UBIAD1: variants seen among roughly 807,000 people sequenced by gnomAD.
The protein encoded by UBIAD1 is ubiA prenyltransferase domain-containing protein 1.
Under a neutral mutation model 20.1 loss-of-function variants are expected in UBIAD1, and 12 were observed. The ratio of observed to expected loss-of-function variants is 0.60; its 90% CI spans 0.38 to 0.97. The LOEUF is 0.97. Among genes scored for constraint, UBIAD1 ranks in the 50% least tolerant of loss-of-function variants. UBIAD1 has a pLI of 0.00. For synonymous variants in UBIAD1, 207 were observed against 189.2 expected (o/e 1.09, Z -0.77); for missense variants, 333 against 419.5 (o/e 0.79, Z 1.80).
Position 11,285,789 on chromosome 1 carries a change from C to T in UBIAD1, c.675C>T (p.Thr225=), listed in dbSNP as rs139434794. ...ATGCCATCCCCCTCGCCCTCAGCAC[C>T]GAGGCCATTCTCCATTCCAACAACA... ...LVYAIPLALS[T]EAILHSNNTR... The change falls in exon 2 of 2, where the codon ACC becomes ACT. Residue 225 remains threonine (T), a synonymous_variant. Coordinates refer to ENST00000376810, the MANE Select transcript of UBIAD1 (RefSeq NM_013319.3). The surrounding 1 kb of genome is among the most constrained non-coding windows in gnomAD (Gnocchi z 4.4). The T allele has an allele frequency of 5.6e-6, 9 of 1,614,230 alleles. No homozygotes were observed. Among genetic ancestry groups the T allele is most frequent in the Admixed American group, 3.3e-5 (2 of 60,032 alleles).
At chr1:11,293,874 C>T (rs1453565652) in intron 1 of UBIAD1, among the ~76,000 whole-genome samples, 1 of 152,200 alleles carries the variant, frequency 6.6e-6, no homozygotes, top group East Asian at 1.9e-4. Context: ...CGGGATTTCA[C>T]CATGTTGGCC....
chr1:11,298,334 G>A (rs1212163040), downstream of UBIAD1, among the ~76,000 whole-genome samples: 3 of 152,012 alleles, frequency 2.0e-5, no homozygotes, highest in Admixed American at 6.5e-5. This position sits in a 1 kb window ranked among gnomAD's most constrained non-coding sequence, Gnocchi z 4.0. Context: ...TTGGGAGACC[G>A]AGGCAGGTGA....
chr1:11,292,672 C>T (rs867282557), downstream of UBIAD1, among the ~76,000 whole-genome samples: 3,148 of 106,988 alleles, frequency 0.029, 48 homozygotes, highest in Non-Finnish European at 0.036. Context: ...TATGTATACA[C>T]ACACACACAC....
At chr1:11,290,709 T>G (rs1227148735), downstream of UBIAD1, among the ~76,000 whole-genome samples, 7 of 152,228 alleles carry the variant, frequency 4.6e-5, no homozygotes, top group Admixed American at 4.6e-4. Flanking sequence ...CCAGGTGTGG[T>G]GGCTTACGCC....
chr1:11,274,105 C>T, intron 1 of UBIAD1, 45 bp downstream of exon 1: 1 of 1,610,420 alleles, frequency 6.2e-7, no homozygotes, highest in Non-Finnish European at 8.5e-7. Flanking sequence ...TAGTCGCGTC[C>T]ACTGGAAACC....
rs1181336236 is a variant in UBIAD1, at chr1:11,285,889, A to G, written c.775A>G (p.Ile259Val). 1 of 1,614,110 alleles carries G rather than the reference A, an allele frequency of 6.2e-7. No homozygotes were observed. Among genetic ancestry groups the G allele is most frequent in the Admixed American group, 1.7e-5 (1 of 60,018 alleles). ...CCTCATCGGCCCCACGTTCTCCTACATTCTCTACAACACACTGCTCTTCCT... is the reference window on the plus strand; with the variant it reads ...CCTCATCGGCCCCACGTTCTCCTACGTTCTCTACAACACACTGCTCTTCCT... ...AILIGPTFSY[I>V]LYNTLLFLPY... Residue 259 changes from isoleucine to valine, a missense_variant, in exon 2 of 2, where the codon ATT becomes GTT. Ile to Val is a conservative substitution (Grantham distance 29). This residue lies in a region of UBIAD1 where 226 missense variants were observed against 263.5 expected (regional missense o/e 0.86). Transcript: ENST00000376810. The surrounding 1 kb of genome is among the most constrained non-coding windows in gnomAD (Gnocchi z 4.4).
rs545252894 is a variant in UBIAD1 at position 11,279,232 on chromosome 1, A to G, written c.529+5172A>G. On this transcript the variant is annotated intron_variant, in intron 1 of 1. Transcript: ENST00000376810. ...TGCCTGTCCACCTTGTAAATGTCATATCTTCATCATCTTTAAGGCCCCAGT... is the reference window on the plus strand; with the variant it reads ...TGCCTGTCCACCTTGTAAATGTCATGTCTTCATCATCTTTAAGGCCCCAGT... 1.8e-3 allele frequency: 423 copies of G among 231,326 alleles called. 2 individuals carry two copies. Among genetic ancestry groups the G allele is most frequent in the Non-Finnish European group, 2.2e-3 (233 of 105,800 alleles). 14.3% of individuals were successfully genotyped at this position (231,326 alleles called of 1,614,324 possible).
chr1:11,280,801 G>C (rs1274865602), intron 1 of UBIAD1, among the ~76,000 whole-genome samples: 1 of 152,026 alleles, frequency 6.6e-6, no homozygotes, highest in Non-Finnish European at 1.5e-5. Flanking sequence ...GCTCCCAACT[G>C]GTCTCTTTAC....
At chr1:11,290,109 A>G (rs1460870077), downstream of UBIAD1, among the ~76,000 whole-genome samples, 1 of 152,010 alleles carries the variant, frequency 6.6e-6, no homozygotes, top group Admixed American at 6.6e-5. Flanking sequence ...CAGGCTATCT[A>G]CCCATCTGGG....
chr1:11,275,521 G>C (rs925015329), intron 1 of UBIAD1, among the ~76,000 whole-genome samples: 1 of 152,054 alleles, frequency 6.6e-6, no homozygotes, highest in South Asian at 2.1e-4. Context: ...CGAGAGGATC[G>C]CTTGAGGCCA....
downstream of UBIAD1, chr1:11,295,377 T>G (rs1465900345): frequency 5.9e-6 from 1 of 169,110 alleles, no homozygotes; most frequent in African/African-American, 2.4e-5. Context: ...AATCAGCCTC[T>G]TTTGGCTGTG....
rs773070987 is a variant in UBIAD1 at position 11,285,714 on chromosome 1, G to A, written c.600G>A (p.Met200Ile). ...ILITFGPLAVMFAYAIQVGSL... is the reference protein window; with the variant it reads ...ILITFGPLAVIFAYAIQVGSL... ...TCACTTTTGGCCCGCTGGCTGTGAT[G>A]TTCGCCTACGCCATCCAGGTGGGGT... Residue 200 changes from methionine to isoleucine, a missense_variant, in exon 2 of 2, where the codon ATG becomes ATA. By Grantham distance (10) the Met-to-Ile change is conservative. Coordinates refer to ENST00000376810, the MANE Select transcript of UBIAD1 (RefSeq NM_013319.3). The surrounding 1 kb of genome is among the most constrained non-coding windows in gnomAD (Gnocchi z 4.4). The A allele has an allele frequency of 4.3e-6, 7 of 1,614,184 alleles. No homozygotes were observed. The highest frequency in any genetic ancestry group is 1.1e-5 in the South Asian group (1 of 91,078).
chr1:11,288,462 T>C (rs1638310213), downstream of UBIAD1: 4 of 152,332 alleles, frequency 2.6e-5, no homozygotes, highest in South Asian at 8.3e-4. Context: ...GGTTTTTGCT[T>C]TCCTCATACT....
chr1:11,278,898 G>A (rs541181005), intron 1 of UBIAD1: 17 of 293,048 alleles, frequency 5.8e-5, no homozygotes, highest in Non-Finnish European at 6.5e-6. Flanking sequence ...AGAGGCTCGC[G>A]CTGTGGCCCA....
In UBIAD1 at chr1:11,275,199, A is replaced by G. The variant is rs1651970483; in HGVS notation, c.529+1139A>G. Among the ~76,000 whole-genome samples, 5 of 151,954 alleles carry G rather than the reference A, an allele frequency of 3.3e-5. No individual in the cohort carries two copies. In the South Asian group the frequency reaches 1.0e-3, roughly 31 times the overall value. On this transcript the variant is annotated intron_variant, in intron 1 of 1. Transcript: ENST00000376810. Reference sequence around the variant, plus strand: ...CGTATTATCATGAAAAGAGACAGAAAGTAAAAATAGAAAATTATAGTTAGG... The same window carrying G: ...CGTATTATCATGAAAAGAGACAGAAGGTAAAAATAGAAAATTATAGTTAGG...
At chr1:11,283,062 A>G (rs1168767941) in intron 1 of UBIAD1, among the ~76,000 whole-genome samples, 6 of 146,220 alleles carry the variant, frequency 4.1e-5, no homozygotes, top group South Asian at 2.2e-4. Flanking sequence ...GGGTTTCTCC[A>G]TGTTGGTCAG....
In UBIAD1 at chr1:11,288,203, C is replaced by G. The variant is rs774812127; in HGVS notation, c.*2072C>G. ...CCCTGAGGCAGGAGGACCAAGGGCT[C>G]CCTGCGTCCACGGACCACGTATGCC... On this transcript the variant is annotated 3_prime_UTR_variant, in exon 2 of 2. Transcript: ENST00000376810. 4 of 152,210 alleles carry G rather than the reference C, an allele frequency of 2.6e-5. No individual in the cohort carries two copies. The highest frequency in any genetic ancestry group is 4.4e-5 in the Non-Finnish European group (3 of 68,070). The allele number at this position is 152,210 out of a possible 1,614,324, so 9.4% of individuals were successfully genotyped here. A position where few individuals can be genotyped will look rare whatever the true frequency, so the allele number is the denominator to read the frequency against.
chr1:11,273,609 G>A lies in UBIAD1; in HGVS notation c.78G>A (p.Pro26=), dbSNP rs778447000. ...GETVKAGDRD[P]LGNDCPEQDR... ...CTGTCAAAGCTGGGGACAGGGACCC[G>A]CTGGGGAACGACTGTCCCGAGCAAG... The change falls in exon 1 of 2, where the codon CCG becomes CCA. Residue 26 remains proline (P), a synonymous_variant. Coordinates refer to ENST00000376810, the MANE Select transcript of UBIAD1 (RefSeq NM_013319.3). This position sits in a 1 kb window ranked among gnomAD's most constrained non-coding sequence, Gnocchi z 4.9. 2.5e-6 allele frequency: 4 copies of A among 1,613,942 alleles called. No individual in the cohort carries two copies. In the Admixed American group the frequency reaches 6.7e-5, roughly 27 times the overall value.
At chr1:11,298,158 A>G (rs755949786), downstream of UBIAD1, among the ~76,000 whole-genome samples, 46 of 152,124 alleles carry the variant, frequency 3.0e-4, 1 homozygote, top group Non-Finnish European at 5.9e-5. This position sits in a 1 kb window ranked among gnomAD's most constrained non-coding sequence, Gnocchi z 4.0. Flanking sequence ...GGGTTTCACC[A>G]TGTTGGTCAG....
Sources: gnomAD v4.1 joint callset for allele counts (sites outside exome capture counted in the v4.1 genomes callset) on GRCh38, gnomAD v4.1.1 for gene constraint, gnomAD v4.1.1 regional missense constraint, Gnocchi (gnomAD v3.1) non-coding constraint, MANE v1.5 for transcripts, NCBI Gene and HGNC (gene_info 2026-07-23, HGNC 2026-07-21) for gene names.